The following SYNPR variants were observed in gnomAD, a reference collection of about 807,000 sequenced individuals.
SYNPR encodes synaptoporin.
SYNPR carries 23 observed loss-of-function variants against 32.9 expected under a neutral mutation model. That is an observed-to-expected ratio of 0.70 (90% CI 0.50 to 0.99). The LOEUF is 0.99. SYNPR is among the 50% of genes least tolerant of loss of function. The probability of loss-of-function intolerance (pLI) is 0.00; values close to 1 mark genes in which losing one functional copy is unlikely to be tolerated. For synonymous variants in SYNPR, 146 were observed against 135.9 expected (o/e 1.07, Z -0.52); for missense variants, 318 against 349.3 (o/e 0.91, Z 0.71).
intron 3 of SYNPR, among the ~76,000 whole-genome samples, chr3:63,517,565 A>G (rs1192457670): frequency 2.0e-5 from 3 of 152,164 alleles, no homozygotes; most frequent in Non-Finnish European, 4.4e-5. Context: ...ATTTTAACCA[A>G]TTACAGGAAC....
intron 2 of SYNPR, among the ~76,000 whole-genome samples, chr3:63,403,030 AAACATT>A (rs1161654183): frequency 6.6e-6 from 1 of 152,230 alleles, no homozygotes; most frequent in Non-Finnish European, 1.5e-5. Flanking sequence ...ACCATACAGT[AAACATT>A]AACAGAGAGA....
At chr3:63,261,294 T>C (rs1041145182) in intron 2 of SYNPR, among the ~76,000 whole-genome samples, 11 of 151,804 alleles carry the variant, frequency 7.2e-5, no homozygotes, top group Non-Finnish European at 1.5e-4. Flanking sequence ...CTATTCACAA[T>C]AACAAAGAGT....
chr3:63,554,702 T>C (rs185369912), intron 3 of SYNPR, among the ~76,000 whole-genome samples: 1 of 151,330 alleles, frequency 6.6e-6, no homozygotes, highest in African/African-American at 2.4e-5. Flanking sequence ...GCTCTTTTTT[T>C]GGGTTCCATA....
chr3:63,313,178 C>T (rs890941359), intron 2 of SYNPR, among the ~76,000 whole-genome samples: 1 of 151,940 alleles, frequency 6.6e-6, no homozygotes, highest in Non-Finnish European at 1.5e-5. Context: ...CTTCCTAACT[C>T]AAGTGGCCAC....
intron 4 of SYNPR, among the ~76,000 whole-genome samples, chr3:63,568,602 C>A (rs2106843509): frequency 6.6e-6 from 1 of 152,268 alleles, no homozygotes; most frequent in East Asian, 1.9e-4. Flanking sequence ...TTTCTTATTT[C>A]TATGGAGTTA....
rs575232088 is a variant in SYNPR at position 63,513,121 on chromosome 3, G to C, written c.209+32165G>C. On this transcript the variant is annotated intron_variant, in intron 3 of 5. Transcript: ENST00000478300. ...AATACACCAAAGAAAAAGATCATGA[G>C]GGGGCAGATAAAAATTCTCCACATA... Among the ~76,000 whole-genome samples the C allele has an allele frequency of 4.4e-3, 669 of 152,026 alleles. 5 individuals carry two copies. Among genetic ancestry groups the C allele is most frequent in the African/African-American group, 0.014 (601 of 41,476 alleles).
chr3:63,217,299 T>C, the SYNPR span, among the ~76,000 whole-genome samples: 1 of 37,728 alleles, frequency 2.7e-5, no homozygotes, highest in Non-Finnish European at 6.2e-5. Context: ...CGGGCGCCCC[T>C]CCCCCAGCCT....
chr3:63,357,196 C>T (rs1330916282), intron 2 of SYNPR, among the ~76,000 whole-genome samples: 2 of 152,176 alleles, frequency 1.3e-5, no homozygotes, highest in Non-Finnish European at 1.5e-5. Context: ...CATCGCTGTA[C>T]GTGTAAGGTG....
At chr3:63,477,483 A>T (rs180966371) in intron 2 of SYNPR, among the ~76,000 whole-genome samples, 1 of 152,164 alleles carries the variant, frequency 6.6e-6, no homozygotes, top group Non-Finnish European at 1.5e-5. Flanking sequence ...GAGTGGGTGG[A>T]TGTGAGGCAG....
At position 63,284,796 on chromosome 3, in the gene SYNPR, T is replaced by G. The variant is rs545143233; in HGVS notation, c.84+6054T>G. 1.2e-4 allele frequency among the ~76,000 whole-genome samples: 18 copies of G among 152,366 alleles called. 1 individual carries two copies. In the East Asian group the frequency reaches 3.1e-3, roughly 26 times the overall value. ...TACAATTTTATAGTAGCCATCATTT[T>G]AAACTCCTAATGAGAGAAGTAATAA... On this transcript the variant is annotated intron_variant, in intron 2 of 5. Transcript: ENST00000478300.
chr3:63,302,959 C>T (rs1229238197), intron 2 of SYNPR, among the ~76,000 whole-genome samples: 1 of 151,222 alleles, frequency 6.6e-6, no homozygotes, highest in Non-Finnish European at 1.5e-5. Context: ...ATGGATATCC[C>T]AAATATACTG....
chr3:63,581,491 G>A (rs957542704), intron 4 of SYNPR, among the ~76,000 whole-genome samples: 2 of 100,458 alleles, frequency 2.0e-5, no homozygotes, highest in Admixed American at 8.8e-5. Context: ...ACAAACACAC[G>A]CACACATAAG....
chr3:63,440,481 G>A (rs938698264), intron 2 of SYNPR, among the ~76,000 whole-genome samples: 6 of 152,106 alleles, frequency 3.9e-5, no homozygotes, highest in Non-Finnish European at 1.5e-5. Context: ...GATTTCTAGG[G>A]GTAAGAGTGA....
intron 2 of SYNPR, among the ~76,000 whole-genome samples, chr3:63,476,929 C>A (rs1307970331): frequency 6.6e-6 from 1 of 152,186 alleles, no homozygotes; most frequent in African/African-American, 2.4e-5. Context: ...TGTTCCCCAA[C>A]AGCTGGCACA....
chr3:63,336,575 T>C (rs116241385), intron 2 of SYNPR, among the ~76,000 whole-genome samples: 2,477 of 75,404 alleles, frequency 0.033, 91 homozygotes, highest in African/African-American at 0.11. Context: ...CTCTATACAA[T>C]AGCTTACCCT....
chr3:63,595,832 G>A (rs868678366), intron 4 of SYNPR, among the ~76,000 whole-genome samples: 4 of 46,224 alleles, frequency 8.7e-5, no homozygotes, highest in African/African-American at 2.1e-4. Context: ...TATATATATA[G>A]TTATATATAT....
chr3:63,451,882 T>G (rs1362558583), intron 2 of SYNPR, among the ~76,000 whole-genome samples: 2 of 152,138 alleles, frequency 1.3e-5, no homozygotes, highest in East Asian at 3.9e-4. Context: ...GCTCAAATTT[T>G]TTTTGAAGAC....
intron 3 of SYNPR, among the ~76,000 whole-genome samples, chr3:63,499,825 C>A (rs563294921): frequency 6.6e-6 from 1 of 151,962 alleles, no homozygotes; most frequent in African/African-American, 2.4e-5. Flanking sequence ...AATACACAGG[C>A]ACACTGAGGA....
chr3:63,236,066 C>CTT (rs537901577), intron 1 of SYNPR, among the ~76,000 whole-genome samples: 1 of 86,298 alleles, frequency 1.2e-5, no homozygotes, highest in African/African-American at 3.4e-5. Flanking sequence ...GCTGAGGTTT[C>CTT]TTTTTTTTTT....
Sources: gnomAD v4.1 joint callset for allele counts (sites outside exome capture counted in the v4.1 genomes callset) on GRCh38, gnomAD v4.1.1 for gene constraint, MANE v1.5 for transcripts, NCBI Gene and HGNC (gene_info 2026-07-23, HGNC 2026-07-21) for gene names.